Variants in MRC1 observed in about 807,000 individuals in gnomAD.
The protein encoded by MRC1 is mannose receptor C-type 1, also known as macrophage mannose receptor 1.
MRC1 carries 62 observed loss-of-function variants against 102.9 expected under a neutral mutation model. That is an observed-to-expected ratio of 0.60 (90% CI 0.49 to 0.74). The LOEUF (loss-of-function observed/expected upper bound fraction) is 0.74, where lower values mean the gene tolerates loss of function less well. MRC1 is among the 30% of genes least tolerant of loss of function. The pLI, the probability that MRC1 is intolerant of heterozygous loss-of-function variation, is 0.00. For synonymous variants in MRC1, 457 were observed against 298.4 expected (o/e 1.53, Z -5.48); for missense variants, 1,237 against 862.8 (o/e 1.43, Z -5.43).
intron 8 of MRC1, 128 bp from the exon 9 acceptor site, chr10:17,856,114 G>A: frequency 1.5e-6 from 1 of 685,424 alleles, no homozygotes; most frequent in Non-Finnish European, 2.6e-6. Context: ...AGGTTGCCAT[G>A]AGCCAAGATC....
At chr10:17,820,331 A>G (rs960707852) in intron 1 of MRC1, among the ~76,000 whole-genome samples, 16 of 152,276 alleles carry the variant, frequency 1.1e-4, no homozygotes, top group African/African-American at 3.8e-4. Context: ...TTTAGCTTAT[A>G]GATCTCGGGG....
intron 6 of MRC1, among the ~76,000 whole-genome samples, 166 bp from the exon 7 acceptor site, chr10:17,849,413 T>C (rs1342795477): frequency 6.6e-6 from 1 of 152,198 alleles, no homozygotes; most frequent in African/African-American, 2.4e-5. Context: ...ATATGCCTTG[T>C]CTATTTTTGG....
chr10:17,896,488 C>T (rs1042946288), intron 23 of MRC1, among the ~76,000 whole-genome samples: 31 of 152,272 alleles, frequency 2.0e-4, no homozygotes, highest in Non-Finnish European at 2.6e-4. Context: ...GTGATTCACA[C>T]GCTTATTTAA....
At chr10:17,811,388 C>T (rs1838219089) in intron 1 of MRC1, among the ~76,000 whole-genome samples, 1 of 152,046 alleles carries the variant, frequency 6.6e-6, no homozygotes, top group Non-Finnish European at 1.5e-5. Context: ...AGGAGTGTTT[C>T]CCTCTTCCTG....
intron 3 of MRC1, among the ~76,000 whole-genome samples, chr10:17,830,171 A>T: frequency 6.6e-6 from 1 of 151,278 alleles, no homozygotes; most frequent in East Asian, 1.9e-4. Flanking sequence ...TCACTCTGTC[A>T]TCCAGACTGG....
At chr10:17,829,758 T>G (rs1378961450) in intron 3 of MRC1, among the ~76,000 whole-genome samples, 1 of 151,424 alleles carries the variant, frequency 6.6e-6, no homozygotes, top group Non-Finnish European at 1.5e-5. Context: ...ATCCTCCACA[T>G]CCTTTGAAAT....
chr10:17,823,768 C>A (rs1003317758), intron 2 of MRC1, among the ~76,000 whole-genome samples: 1 of 152,078 alleles, frequency 6.6e-6, no homozygotes, highest in Non-Finnish European at 1.5e-5. Context: ...TTCAGAAAAT[C>A]GTTTTCATTG....
rs1833953137 is a variant in MRC1, at chr10:17,910,386, ACAGT to A, written c.4299_4302del (p.Ser1434AlafsTer7). On this transcript the variant is annotated frameshift_variant, in exon 30 of 30. Transcript: ENST00000569591. LOFTEE classifies it high-confidence loss of function. Reference sequence around the variant, plus strand: ...GCCTTTGAAAACACTCTGTATTTTAACAGTCAGTCAAGCCCAGGAACTAGTGATA... The same window carrying A: ...GCCTTTGAAAACACTCTGTATTTTAACAGTCAAGCCCAGGAACTAGTGATA... 1.3e-6 allele frequency: 1 copy of A among 780,698 alleles called. No homozygotes were observed. Among genetic ancestry groups the A allele is most frequent in the African/African-American group, 1.7e-5 (1 of 59,114 alleles). The allele number at this position is 780,698 out of a possible 1,614,324, so 48.4% of individuals were successfully genotyped here. A position where few individuals can be genotyped will look rare whatever the true frequency, so the allele number is the denominator to read the frequency against.
Position 17,898,284 on chromosome 10 carries a change from T to C in MRC1, c.3483+18T>C. On this transcript the variant is annotated intron_variant, in intron 24 of 29. Coordinates refer to ENST00000569591, the MANE Select transcript of MRC1 (RefSeq NM_002438.4). ...GTAACTTGGTAAGATGCTGGAAATA[T>C]GTGCAACTTGACATGATCAGTGAAT... The C allele has an allele frequency of 1.3e-6, 1 of 780,828 alleles. No individual in the cohort carries two copies. The highest frequency in any genetic ancestry group is 2.4e-6 in the Non-Finnish European group (1 of 417,926). 48.4% of individuals were successfully genotyped at this position (780,828 alleles called of 1,614,324 possible).
chr10:17,878,661 T>C (rs1171325144), intron 18 of MRC1, among the ~76,000 whole-genome samples: 1 of 152,106 alleles, frequency 6.6e-6, no homozygotes, highest in Non-Finnish European at 1.5e-5. Flanking sequence ...TTCAAGGTCA[T>C]TATTTTTATT....
Position 17,849,697 on chromosome 10 carries a change from A to G in MRC1, c.1182A>G (p.Glu394=), listed in dbSNP as rs1838884376. Residue 394 remains glutamate, a synonymous_variant, in exon 7 of 30, where the codon GAA becomes GAG. Coordinates refer to ENST00000569591, the MANE Select transcript of MRC1 (RefSeq NM_002438.4). ...ATGCTCTGACCACCTGCAGGAAGGA[A>G]GGCGGTGACCTCACAAGTATCCACA... ...QRDALTTCRK[E]GGDLTSIHTI... 3.8e-6 allele frequency: 3 copies of G among 780,846 alleles called. No individual in the cohort carries two copies. Among genetic ancestry groups the G allele is most frequent in the Non-Finnish European group, 7.2e-6 (3 of 418,114 alleles). 48.4% of individuals were successfully genotyped at this position (780,846 alleles called of 1,614,324 possible).
chr10:17,858,438 C>T (rs1370925932), intron 9 of MRC1, among the ~76,000 whole-genome samples: 3 of 152,116 alleles, frequency 2.0e-5, no homozygotes. Flanking sequence ...TAGCATTCTA[C>T]TACATGTGCC....
intron 22 of MRC1, among the ~76,000 whole-genome samples, chr10:17,889,208 A>C (rs1211101579): frequency 6.6e-6 from 1 of 152,064 alleles, no homozygotes; most frequent in Non-Finnish European, 1.5e-5. Flanking sequence ...TTTGTCTATT[A>C]ATTTGTGTAG....
chr10:17,823,301 T>C lies in MRC1; in HGVS notation c.289T>C (p.Phe97Leu), dbSNP rs1480863096. The change falls in exon 2 of 30, where the codon TTT becomes CTT. Residue 97 changes from phenylalanine (F) to leucine (L), a missense_variant. Transcript: ENST00000569591. Reference sequence around the variant, plus strand: ...CTATGCCTGTGACTCAAAAAGTGAATTTCAGAAATGGGAGTGCAAAAATGA... The same window carrying C: ...CTATGCCTGTGACTCAAAAAGTGAACTTCAGAAATGGGAGTGCAAAAATGA... ...TLYACDSKSE[F>L]QKWECKNDTL... is the part of the protein sequence containing the mutation. 2.6e-6 allele frequency: 2 copies of C among 780,670 alleles called. No individual in the cohort carries two copies. The highest frequency in any genetic ancestry group is 3.4e-5 in the African/African-American group (2 of 59,098). The allele number at this position is 780,670 out of a possible 1,614,324, so 48.4% of individuals were successfully genotyped here.
At position 17,867,125 on chromosome 10, in the gene MRC1, T is replaced by TCCTCCCTTCCTCCTTTCCTC. The variant is rs1285985391; in HGVS notation, c.1983+377_1983+396dup. ...CCTTCCTTACCCCCTTACCCTCCCT[T>TCCTCCCTTCCTCCTTTCCTC]CCTCCCTTCCTCCTTTCCTCCCTCC... is the stretch of plus-strand genomic sequence containing the variant. On this transcript the variant is annotated intron_variant, in intron 12 of 29. Transcript: ENST00000569591. 6.6e-4 allele frequency among the ~76,000 whole-genome samples: 85 copies of TCCTCCCTTCCTCCTTTCCTC among 129,410 alleles called. 1 individual carries two copies. The highest frequency in any genetic ancestry group is 2.3e-3 in the African/African-American group (80 of 34,488). The allele number at this position is 129,410 out of a possible 152,430, so 84.9% of individuals were successfully genotyped here.
chr10:17,879,523 T>A (rs1170266493), intron 18 of MRC1, among the ~76,000 whole-genome samples, 198 bp from the exon 19 acceptor site: 3 of 152,162 alleles, frequency 2.0e-5, no homozygotes, highest in African/African-American at 7.2e-5. Flanking sequence ...CTGGCTAATT[T>A]TTTTTTAATT....
At chr10:17,875,464 G>T (rs1833417049) in intron 17 of MRC1, among the ~76,000 whole-genome samples, 1 of 152,110 alleles carries the variant, frequency 6.6e-6, no homozygotes, top group South Asian at 2.1e-4. Flanking sequence ...TCATTCTTAT[G>T]CCTTTGCATC....
chr10:17,886,537 G>A (rs1468662544), intron 22 of MRC1, among the ~76,000 whole-genome samples: 14 of 152,102 alleles, frequency 9.2e-5, no homozygotes, highest in African/African-American at 3.4e-4. Flanking sequence ...AAGTAGCTGG[G>A]ATTACAGGTG....
Position 17,823,349 on chromosome 10 carries a change from G to C in MRC1, c.337G>C (p.Glu113Gln). 1.3e-6 allele frequency: 1 copy of C among 780,866 alleles called. No individual in the cohort carries two copies. The highest frequency in any genetic ancestry group is 2.4e-5 in the East Asian group (1 of 41,258). 48.4% of individuals were successfully genotyped at this position (780,866 alleles called of 1,614,324 possible). The change falls in exon 2 of 30, where the codon GAA becomes CAA. Residue 113 changes from glutamate (E) to glutamine (Q), a missense_variant. By Grantham distance (29) the Glu-to-Gln change is conservative (BLOSUM62 2). Transcript: ENST00000569591. ...TGACACACTTTTGGGGATCAAAGGAGAAGATTTATTTTTTAACTACGGCAA... is the reference window on the plus strand; with the variant it reads ...TGACACACTTTTGGGGATCAAAGGACAAGATTTATTTTTTAACTACGGCAA... ...KNDTLLGIKG[E>Q]DLFFNYGNRQ...
Sources: allele counts gnomAD v4.1 joint callset (sites outside exome capture counted in the v4.1 genomes callset), GRCh38; gene constraint gnomAD v4.1.1; transcripts MANE v1.5; gene names NCBI Gene and HGNC (gene_info 2026-07-23, HGNC 2026-07-21).